EPHA5: variants seen among roughly 807,000 people sequenced by gnomAD.
The protein encoded by EPHA5 is ephrin type-A receptor 5.
A neutral mutation model predicts 105.0 loss-of-function variants in EPHA5; 60 were observed. The ratio of observed to expected loss-of-function variants is 0.57; its 90% confidence interval spans 0.46 to 0.71. EPHA5 has a LOEUF of 0.71. Among genes scored for constraint, EPHA5 ranks in the 30% least tolerant of loss-of-function variants. The probability of loss-of-function intolerance (pLI) is 0.00; values close to 1 mark genes in which losing one functional copy is unlikely to be tolerated. For synonymous variants in EPHA5, 513 were observed against 449.1 expected (o/e 1.14, Z -1.80); for missense variants, 1,218 against 1,274.7 (o/e 0.96, Z 0.68).
At chr4:65,629,188 A>G (rs187448058) in intron 2 of EPHA5, among the ~76,000 whole-genome samples, 357 of 137,360 alleles carry the variant, frequency 2.6e-3, no homozygotes, top group African/African-American at 8.7e-3. Context: ...TTGTTTCTAT[A>G]CTTTCATATC....
intron 5 of EPHA5, among the ~76,000 whole-genome samples, chr4:65,424,146 T>A (rs1318444602): frequency 6.6e-6 from 1 of 151,994 alleles, no homozygotes; most frequent in African/African-American, 2.4e-5. Context: ...TTGTTCAGAA[T>A]TGTTCATCTG....
intron 2 of EPHA5, among the ~76,000 whole-genome samples, chr4:65,621,075 G>C (rs1441827466): frequency 6.6e-6 from 1 of 152,082 alleles, no homozygotes; most frequent in African/African-American, 2.4e-5. Context: ...AATAAATTGA[G>C]TAATTGCTAA....
At chr4:65,399,452 C>T (rs959917861) in intron 8 of EPHA5, among the ~76,000 whole-genome samples, 5 of 152,182 alleles carry the variant, frequency 3.3e-5, no homozygotes, top group Admixed American at 6.5e-5. Flanking sequence ...GCCTAACAGG[C>T]CTGAGCAAAA....
In EPHA5 at chr4:65,396,434, G is replaced by A. The variant is rs573836485; in HGVS notation, c.1793+7940C>T. On this transcript the variant is annotated intron_variant, in intron 8 of 16. Coordinates refer to ENST00000613740, the MANE Select transcript of EPHA5 (RefSeq NM_001281766.3). ...TTTGAATCAGACCCTGACTACCACT[G>A]AAAAGCAGGCCACCCTGCAAGCAGT... Among the ~76,000 whole-genome samples, 182 of 152,202 alleles carry A rather than the reference G, an allele frequency of 1.2e-3. 1 individual carries two copies. The highest frequency in any genetic ancestry group is 4.0e-3 in the African/African-American group (168 of 41,502).
chr4:65,335,481 T>G (rs756338525), intron 15 of EPHA5, among the ~76,000 whole-genome samples: 1 of 152,016 alleles, frequency 6.6e-6, no homozygotes, highest in Non-Finnish European at 1.5e-5. Context: ...CCTAAAATTG[T>G]CAATGTTTCT....
chr4:65,499,465 A>G (rs1037641362), intron 3 of EPHA5, among the ~76,000 whole-genome samples: 1 of 151,600 alleles, frequency 6.6e-6, no homozygotes, highest in African/African-American at 2.4e-5. Context: ...ATTATTTTCC[A>G]TATATACATC....
chr4:65,430,741 A>G (rs1724893395), intron 5 of EPHA5, among the ~76,000 whole-genome samples: 1 of 152,136 alleles, frequency 6.6e-6, no homozygotes, highest in South Asian at 2.1e-4. Flanking sequence ...CCATAGAATA[A>G]TGAAAGAATA....
At chr4:65,662,581 A>G (rs1477589902) in intron 1 of EPHA5, among the ~76,000 whole-genome samples, 1 of 152,196 alleles carries the variant, frequency 6.6e-6, no homozygotes, top group Non-Finnish European at 1.5e-5. Flanking sequence ...GGAAAAAACA[A>G]CAACAACAAC....
At chr4:65,575,263 A>C (rs535308214) in intron 3 of EPHA5, among the ~76,000 whole-genome samples, 2 of 149,600 alleles carry the variant, frequency 1.3e-5, no homozygotes, top group East Asian at 3.9e-4. Context: ...ACAACCTTGG[A>C]TGGTCAGCTA....
chr4:65,664,408 T>C (rs1415290981), intron 1 of EPHA5, among the ~76,000 whole-genome samples: 1 of 151,950 alleles, frequency 6.6e-6, no homozygotes, highest in Non-Finnish European at 1.5e-5. Flanking sequence ...AGATAGGTAC[T>C]AATAATTTTT....
Position 65,513,374 on chromosome 4 carries a change from G to A in EPHA5, c.911-17831C>T, listed in dbSNP as rs150911473. On this transcript the variant is annotated intron_variant, in intron 3 of 16. Coordinates refer to ENST00000613740, the MANE Select transcript of EPHA5 (RefSeq NM_001281766.3). ...AGTGTAGTATTTCAAAAGATTTGGGGTTTTTTTGTTTGTTTTGTTTTGTTT... is the reference window on the plus strand; with the variant it reads ...AGTGTAGTATTTCAAAAGATTTGGGATTTTTTTGTTTGTTTTGTTTTGTTT... 2.0e-5 allele frequency among the ~76,000 whole-genome samples: 3 copies of A among 151,746 alleles called. No individual in the cohort carries two copies. The South Asian group carries it at 6.2e-4, about 32-fold the overall frequency.
intron 15 of EPHA5, among the ~76,000 whole-genome samples, chr4:65,333,265 T>C (rs886659835): frequency 6.6e-6 from 1 of 151,672 alleles, no homozygotes; most frequent in African/African-American, 2.4e-5. Flanking sequence ...CAAATACCTT[T>C]CTCTCTACTC....
At chr4:65,365,804 A>T in intron 10 of EPHA5, 128 bp downstream of exon 10, 1 of 893,842 alleles carries the variant, frequency 1.1e-6, no homozygotes, top group Non-Finnish European at 1.7e-6. Flanking sequence ...GTGATCAGTT[A>T]CATATCACTT....
intron 14 of EPHA5, among the ~76,000 whole-genome samples, chr4:65,340,291 A>G (rs1721588253): frequency 6.6e-6 from 1 of 152,194 alleles, no homozygotes; most frequent in Non-Finnish European, 1.5e-5. Context: ...CGATATATAT[A>G]TAGTCAGAGA....
intron 3 of EPHA5, among the ~76,000 whole-genome samples, chr4:65,515,461 C>T (rs1734018506): frequency 1.3e-5 from 2 of 152,076 alleles, no homozygotes; most frequent in Admixed American, 1.3e-4. Context: ...AATGAATCTT[C>T]CAATCTATTA....
chr4:65,354,822 G>T (rs552085116), intron 11 of EPHA5, among the ~76,000 whole-genome samples: 1 of 151,670 alleles, frequency 6.6e-6, no homozygotes, highest in Non-Finnish European at 1.5e-5. Flanking sequence ...AAAACTCACC[G>T]TTTATAATAA....
At chr4:65,644,450 G>A (rs750492296) in intron 1 of EPHA5, among the ~76,000 whole-genome samples, 8 of 151,968 alleles carry the variant, frequency 5.3e-5, no homozygotes, top group East Asian at 1.9e-4. Context: ...AGGGAAACAC[G>A]TGAGTTATTC....
chr4:65,454,458 T>A (rs1190245328), intron 5 of EPHA5, among the ~76,000 whole-genome samples: 1 of 152,186 alleles, frequency 6.6e-6, no homozygotes, highest in African/African-American at 2.4e-5. Flanking sequence ...TGAAAAAGGC[T>A]ATGACTTGTT....
At chr4:65,398,274 A>C (rs1721450839) in intron 8 of EPHA5, among the ~76,000 whole-genome samples, 1 of 152,192 alleles carries the variant, frequency 6.6e-6, no homozygotes, top group African/African-American at 2.4e-5. Context: ...ATGTGTGCAC[A>C]CTTGGGGTGG....
Sources: allele counts gnomAD v4.1 joint callset (sites outside exome capture counted in the v4.1 genomes callset), GRCh38; gene constraint gnomAD v4.1.1; transcripts MANE v1.5; gene names NCBI Gene and HGNC (gene_info 2026-07-23, HGNC 2026-07-21).